ADAMTSL1: variants seen among roughly 807,000 people sequenced by gnomAD.
ADAMTSL1 encodes ADAMTS like 1, also known as ADAMTS-like protein 1.
In ADAMTSL1, 126 loss-of-function variants were observed where a neutral mutation model predicts 201.8. The observed-to-expected ratio is 0.62, with a 90% CI of 0.54 to 0.72. The LOEUF (loss-of-function observed/expected upper bound fraction) is 0.72, where lower values mean the gene tolerates loss of function less well. Among genes scored for constraint, ADAMTSL1 ranks in the 30% least tolerant of loss-of-function variants. The probability of loss-of-function intolerance (pLI) is 0.00; values close to 1 mark genes in which losing one functional copy is unlikely to be tolerated. For synonymous variants in ADAMTSL1, 1,121 were observed against 903.4 expected, an observed-to-expected ratio of 1.24 and a Z score of -4.32; for missense variants, 2,679 against 2,277.8, an observed-to-expected ratio of 1.18 and a Z score of -3.59.
chr9:18,530,294 ATT>A (rs1554697250), intron 2 of ADAMTSL1, among the ~76,000 whole-genome samples: 1 of 152,192 alleles, frequency 6.6e-6, no homozygotes, highest in Non-Finnish European at 1.5e-5. Flanking sequence ...CAGGCTCCTA[ATT>A]CAGATTTGTT....
At position 18,811,276 on chromosome 9, in the gene ADAMTSL1, G is replaced by A. The variant is rs532921977; in HGVS notation, c.3806-5833G>A. Reference sequence around the variant, plus strand: ...GGAGTATCAGAGATTTTCAGTCCTCGTTCATTACACCTACCAGAGTGTAAT... The same window carrying A: ...GGAGTATCAGAGATTTTCAGTCCTCATTCATTACACCTACCAGAGTGTAAT... On this transcript the variant is annotated intron_variant, in intron 20 of 28. Coordinates refer to ENST00000380548, the MANE Select transcript of ADAMTSL1 (RefSeq NM_001040272.6). Among the ~76,000 whole-genome samples the A allele has an allele frequency of 2.0e-4, 31 of 152,268 alleles. No homozygotes were observed. In the South Asian group the frequency reaches 3.7e-3, roughly 18 times the overall value.
At chr9:18,030,864 A>G (rs1014873502) in intron 1 of ADAMTSL1, among the ~76,000 whole-genome samples, 4 of 152,084 alleles carry the variant, frequency 2.6e-5, no homozygotes, top group Admixed American at 1.3e-4. Context: ...ATTTTTAAAA[A>G]TTCATTTTTC....
At chr9:18,447,005 G>A (rs1384397239) in intron 2 of ADAMTSL1, among the ~76,000 whole-genome samples, 1 of 151,512 alleles carries the variant, frequency 6.6e-6, no homozygotes, top group Non-Finnish European at 1.5e-5. Flanking sequence ...CCTTGTGCTG[G>A]AAGGGGAGGT....
At chr9:18,863,523 A>G (rs1487450855) in intron 23 of ADAMTSL1, among the ~76,000 whole-genome samples, 2 of 152,318 alleles carry the variant, frequency 1.3e-5, no homozygotes, top group Middle Eastern at 3.4e-3. Context: ...TGACCAGCTT[A>G]TTGGGAGGTC....
intron 2 of ADAMTSL1, among the ~76,000 whole-genome samples, chr9:18,512,635 G>C (rs1264085288): frequency 6.6e-6 from 1 of 152,128 alleles, no homozygotes; most frequent in Non-Finnish European, 1.5e-5. Flanking sequence ...ATTTGCCTCT[G>C]AGTTTCTACT....
intron 2 of ADAMTSL1, among the ~76,000 whole-genome samples, chr9:18,223,625 CTAA>C (rs1271815658): frequency 2.0e-5 from 3 of 151,972 alleles, no homozygotes; most frequent in African/African-American, 7.2e-5. Flanking sequence ...TTAGTTAGTT[CTAA>C]TAATATCTTA....
intron 1 of ADAMTSL1, among the ~76,000 whole-genome samples, chr9:18,047,542 G>A (rs1456525385): frequency 6.6e-6 from 1 of 152,158 alleles, no homozygotes; most frequent in African/African-American, 2.4e-5. Flanking sequence ...ATTTAGATAA[G>A]TGAAGGGGTC....
intron 1 of ADAMTSL1, among the ~76,000 whole-genome samples, chr9:17,954,492 T>G (rs1827852443): frequency 6.6e-6 from 1 of 152,194 alleles, no homozygotes; most frequent in South Asian, 2.1e-4. Context: ...TTTGAATGGT[T>G]TAAGTTGAAC....
intron 4 of ADAMTSL1, among the ~76,000 whole-genome samples, chr9:18,611,304 ATT>A (rs1825348341): frequency 6.6e-6 from 1 of 152,164 alleles, no homozygotes; most frequent in Non-Finnish European, 1.5e-5. Context: ...CCTTTGTATA[ATT>A]TTGTTTCGCA....
chr9:18,825,634 T>C lies in ADAMTSL1; in HGVS notation c.3935-650T>C, dbSNP rs183059738. On this transcript the variant is annotated intron_variant, in intron 21 of 28. Coordinates refer to ENST00000380548, the MANE Select transcript of ADAMTSL1 (RefSeq NM_001040272.6). Reference sequence around the variant, plus strand: ...GTACATGTATCATAAAGGTACCAAGTGAACACTCCCCACCAGACCAGCCCC... The same window carrying C: ...GTACATGTATCATAAAGGTACCAAGCGAACACTCCCCACCAGACCAGCCCC... Among the ~76,000 whole-genome samples the C allele has an allele frequency of 2.9e-4, 44 of 152,248 alleles. 1 individual carries two copies. Among genetic ancestry groups the C allele is most frequent in the African/African-American group, 1.0e-3 (42 of 41,558 alleles).
chr9:18,030,531 C>A lies in ADAMTSL1; in HGVS notation c.87+123609C>A, dbSNP rs370236466. 3.3e-5 allele frequency among the ~76,000 whole-genome samples: 5 copies of A among 151,842 alleles called. No individual in the cohort carries two copies. The East Asian group carries it at 5.8e-4, about 18-fold the overall frequency. Reference sequence around the variant, plus strand: ...CTAACCTGCACATTGTGCACATGTACCCTAAAACTTAAAGTATAATATTAA... The same window carrying A: ...CTAACCTGCACATTGTGCACATGTAACCTAAAACTTAAAGTATAATATTAA... On this transcript the variant is annotated intron_variant, in intron 1 of 29. Transcript: ENST00000680146.
intron 2 of ADAMTSL1, among the ~76,000 whole-genome samples, chr9:18,336,181 G>A (rs1463058353): frequency 6.6e-6 from 1 of 152,070 alleles, no homozygotes; most frequent in East Asian, 1.9e-4. Context: ...CCCGGTAGAT[G>A]GACCTATGAA....
intron 2 of ADAMTSL1, among the ~76,000 whole-genome samples, chr9:18,381,611 T>C (rs562689936): frequency 6.6e-6 from 1 of 152,226 alleles, no homozygotes; most frequent in South Asian, 2.1e-4. Flanking sequence ...AGAAAGAATT[T>C]TCTTCTTTTT....
chr9:17,927,600 T>G (rs1364105144), intron 1 of ADAMTSL1, among the ~76,000 whole-genome samples: 1 of 152,166 alleles, frequency 6.6e-6, no homozygotes, highest in African/African-American at 2.4e-5. Flanking sequence ...GATGGTTGCA[T>G]CTGTACTGAA....
intron 1 of ADAMTSL1, among the ~76,000 whole-genome samples, chr9:18,012,505 C>T (rs1045176886): frequency 1.3e-5 from 2 of 152,038 alleles, no homozygotes; most frequent in African/African-American, 2.4e-5. Context: ...ACCCATTTTC[C>T]GGGGCTGGGC....
At chr9:18,250,690 G>A (rs1831430668) in intron 2 of ADAMTSL1, among the ~76,000 whole-genome samples, 1 of 152,132 alleles carries the variant, frequency 6.6e-6, no homozygotes, top group African/African-American at 2.4e-5. Context: ...GAAGTCAGAA[G>A]TGTTCTCATG....
chr9:18,215,111 A>T (rs1830014594), intron 2 of ADAMTSL1, among the ~76,000 whole-genome samples: 1 of 152,236 alleles, frequency 6.6e-6, no homozygotes, highest in Non-Finnish European at 1.5e-5. Context: ...GTTAAATTAA[A>T]ATATTGTTAC....
intron 1 of ADAMTSL1, among the ~76,000 whole-genome samples, chr9:17,931,924 C>T (rs754110206): frequency 6.6e-6 from 1 of 152,186 alleles, no homozygotes; most frequent in Admixed American, 6.5e-5. Flanking sequence ...AATCATCTTC[C>T]CCTGTGTATT....
intron 4 of ADAMTSL1, among the ~76,000 whole-genome samples, chr9:18,579,058 C>T (rs139716973): frequency 4.6e-5 from 7 of 151,336 alleles, no homozygotes; most frequent in East Asian, 1.9e-4. Flanking sequence ...TGTCATGTTG[C>T]GGCATTATTC....
Sources: allele counts gnomAD v4.1 joint callset (sites outside exome capture counted in the v4.1 genomes callset), GRCh38; gene constraint gnomAD v4.1.1; transcripts MANE v1.5; gene names NCBI Gene and HGNC (gene_info 2026-07-23, HGNC 2026-07-21).